The following GSTO2 variants were observed in gnomAD, a reference collection of about 807,000 sequenced individuals.
GSTO2 encodes glutathione S-transferase omega-2.
In GSTO2, 23 loss-of-function variants were observed where a neutral mutation model predicts 28.4. The observed-to-expected ratio is 0.81, with a 90% CI of 0.58 to 1.15. The LOEUF (loss-of-function observed/expected upper bound fraction) is 1.15. Among genes scored for constraint, GSTO2 ranks in the 50% most tolerant of loss-of-function variants. GSTO2 has a pLI of 0.00. For synonymous variants in GSTO2, 109 were observed against 111.0 expected, an observed-to-expected ratio of 0.98 and a Z score of 0.11; for missense variants, 298 against 297.8, an observed-to-expected ratio of 1.00 and a Z score of 0.00.
At chr10:104,279,212 A>G (rs2011855506) in intron 4 of GSTO2, among the ~76,000 whole-genome samples, 158 bp from the exon 5 acceptor site, 2 of 152,176 alleles carry the variant, frequency 1.3e-5, no homozygotes, top group Admixed American at 1.3e-4. Context: ...AACCGGAACC[A>G]CAGAGAAAAC....
chr10:104,294,681 G>A (rs1442726989), intron 5 of GSTO2, among the ~76,000 whole-genome samples: 1 of 152,166 alleles, frequency 6.6e-6, no homozygotes, highest in African/African-American at 2.4e-5. Flanking sequence ...TTTGCTGAGC[G>A]GGGGACTGGT....
Position 104,302,276 on chromosome 10 carries a change from A to G in GSTO2, c.*2992A>G, listed in dbSNP as rs150557810. ...AATTCAGATTAAAATTGAAGATGAGATTTTAGGTGGAGCACAGCCAAACCA... is the reference window on the plus strand; with the variant it reads ...AATTCAGATTAAAATTGAAGATGAGGTTTTAGGTGGAGCACAGCCAAACCA... On this transcript the variant is annotated 3_prime_UTR_variant, in exon 7 of 7. Coordinates refer to ENST00000338595, the MANE Select transcript of GSTO2 (RefSeq NM_183239.2). The G allele has an allele frequency of 5.3e-5, 8 of 152,348 alleles. No homozygotes were observed. The highest frequency in any genetic ancestry group is 1.9e-4 in the African/African-American group (8 of 41,576). The allele number at this position is 152,348 out of a possible 1,614,324, so 9.4% of individuals were successfully genotyped here.
chr10:104,277,582 G>C (rs980832745), intron 3 of GSTO2, among the ~76,000 whole-genome samples: 1 of 152,104 alleles, frequency 6.6e-6, no homozygotes, highest in African/African-American at 2.4e-5. Flanking sequence ...CACCGCGCCC[G>C]GCCAGCTCTA....
intron 1 of GSTO2, among the ~76,000 whole-genome samples, chr10:104,272,163 C>A (rs528111372): frequency 6.6e-6 from 1 of 152,080 alleles, no homozygotes; most frequent in Non-Finnish European, 1.5e-5. Flanking sequence ...TGTGCGGGGG[C>A]ACAGGGTATA....
chr10:104,276,403 C>T (rs1331980867), intron 3 of GSTO2, among the ~76,000 whole-genome samples: 1 of 152,184 alleles, frequency 6.6e-6, no homozygotes, highest in African/African-American at 2.4e-5. Flanking sequence ...GTTTCTCAAA[C>T]TTGGCACTGT....
At chr10:104,272,906 C>G (rs181879950) in intron 1 of GSTO2, among the ~76,000 whole-genome samples, 16 of 152,212 alleles carry the variant, frequency 1.1e-4, no homozygotes, top group African/African-American at 3.9e-4. Context: ...GCCACCGCAC[C>G]CGGCCCAGTT....
At chr10:104,287,861 G>A (rs2012532082) in intron 5 of GSTO2, among the ~76,000 whole-genome samples, 1 of 147,206 alleles carries the variant, frequency 6.8e-6, no homozygotes, top group Admixed American at 6.8e-5. Context: ...TATTAAATAT[G>A]TAAGTTTTAA....
chr10:104,291,031 G>A (rs1050171680), intron 5 of GSTO2, among the ~76,000 whole-genome samples: 7 of 152,080 alleles, frequency 4.6e-5, no homozygotes, highest in African/African-American at 1.4e-4. Flanking sequence ...ATGTGCCCAC[G>A]AAAAATAAAA....
rs1382626357 is a variant in GSTO2, at chr10:104,303,477, G to C, written c.*4193G>C. 1 of 152,202 alleles carries C rather than the reference G, an allele frequency of 6.6e-6. No individual in the cohort carries two copies. Among genetic ancestry groups the C allele is most frequent in the Non-Finnish European group, 1.5e-5 (1 of 68,030 alleles). The allele number at this position is 152,202 out of a possible 1,614,324, so 9.4% of individuals were successfully genotyped here. A position where few individuals can be genotyped will look rare whatever the true frequency, so the allele number is the denominator to read the frequency against. On this transcript the variant is annotated 3_prime_UTR_variant, in exon 7 of 7. Transcript: ENST00000338595. ...ATCTGGCAGAAAAAATTTCTAAGCA[G>C]CAAAGCATTCAAGATGCGCCCTGGC...
chr10:104,281,962 G>A (rs1457873476), intron 5 of GSTO2, among the ~76,000 whole-genome samples: 8 of 152,094 alleles, frequency 5.3e-5, no homozygotes. Flanking sequence ...GGGGTTGACA[G>A]CGAGGGAGTG....
chr10:104,281,679 T>A (rs1013364976), intron 5 of GSTO2, among the ~76,000 whole-genome samples: 1 of 152,176 alleles, frequency 6.6e-6, no homozygotes, highest in African/African-American at 2.4e-5. Context: ...ATGGTACTAG[T>A]CCTGTTTTGC....
Position 104,299,367 on chromosome 10 carries a change from GTCTC to G in GSTO2, c.*87_*90del, listed in dbSNP as rs139792812. ...CACGGCTTGTCTTGGGAACCAATCC[GTCTC>G]TCTTTCTTTTCTTTGAAGTTCCCAA... On this transcript the variant is annotated 3_prime_UTR_variant, in exon 7 of 7. Transcript: ENST00000338595. 10,345 of 1,448,314 alleles carry G rather than the reference GTCTC, an allele frequency of 7.1e-3. 647 individuals carry two copies. In the African/African-American group the frequency reaches 0.13, roughly 18 times the overall value. The allele number at this position is 1,448,314 out of a possible 1,614,324, so 89.7% of individuals were successfully genotyped here. A position where few individuals can be genotyped will look rare whatever the true frequency, so the allele number is the denominator to read the frequency against.
At chr10:104,292,879 C>A (rs373045850) in intron 5 of GSTO2, among the ~76,000 whole-genome samples, 1 of 152,306 alleles carries the variant, frequency 6.6e-6, no homozygotes. Context: ...TTTTTCATTC[C>A]ATTTCTGATG....
At position 104,303,187 on chromosome 10, in the gene GSTO2, T is replaced by G. The variant is rs899249586; in HGVS notation, c.*3903T>G. 1 of 152,192 alleles carries G rather than the reference T, an allele frequency of 6.6e-6. No homozygotes were observed. Among genetic ancestry groups the G allele is most frequent in the Non-Finnish European group, 1.5e-5 (1 of 68,038 alleles). The allele number at this position is 152,192 out of a possible 1,614,324, so 9.4% of individuals were successfully genotyped here. A position where few individuals can be genotyped will look rare whatever the true frequency, so the allele number is the denominator to read the frequency against. ...GTTCTCATGATTTAGCTCCCACTTA[T>G]AAGTGAGAACATGCAGTTTTTGTAA... On this transcript the variant is annotated 3_prime_UTR_variant, in exon 7 of 7. Transcript: ENST00000338595.
At chr10:104,290,006 T>C (rs1279417367) in intron 5 of GSTO2, among the ~76,000 whole-genome samples, 2 of 152,184 alleles carry the variant, frequency 1.3e-5, no homozygotes, top group Non-Finnish European at 2.9e-5. Context: ...GTATAACCAT[T>C]GTGGAGAACA....
In GSTO2 at chr10:104,300,454, C is replaced by CG. The variant is rs1340717416; in HGVS notation, c.*1170_*1171insG. ...TGGGAGCCCCCATCTCTCCACTTAT[C>CG]TTGGTTGAGGTTTTAAACCTAGCGC... is the stretch of plus-strand genomic sequence containing the variant. On this transcript the variant is annotated 3_prime_UTR_variant, in exon 7 of 7. Transcript: ENST00000338595. The CG allele has an allele frequency of 1.3e-5, 2 of 152,276 alleles. No homozygotes were observed. Among genetic ancestry groups the CG allele is most frequent in the Non-Finnish European group, 1.5e-5 (1 of 68,092 alleles). 9.4% of individuals were successfully genotyped at this position (152,276 alleles called of 1,614,324 possible).
chr10:104,271,930 T>G (rs912386979), intron 1 of GSTO2, among the ~76,000 whole-genome samples: 3 of 152,064 alleles, frequency 2.0e-5, no homozygotes, highest in African/African-American at 7.2e-5. Flanking sequence ...CAATTGTTGG[T>G]TTTTTTATAG....
chr10:104,275,001 T>C, intron 2 of GSTO2, 52 bp downstream of exon 2: 1 of 1,559,872 alleles, frequency 6.4e-7, no homozygotes, highest in Non-Finnish European at 8.6e-7. Flanking sequence ...TGACAGAAAA[T>C]GTTGGCTTCG....
chr10:104,297,616 C>T lies in GSTO2; in HGVS notation c.507C>T (p.Thr169=), dbSNP rs141488802. ...AGAACACCACCTTCTTTGGTGGAACCTGTATATCCATGATTGATTACCTCC... is the reference window on the plus strand; with the variant it reads ...AGAACACCACCTTCTTTGGTGGAACTTGTATATCCATGATTGATTACCTCC... The part of the protein sequence containing the change: ...EYQNTTFFGG[T]CISMIDYLLW... The change falls in exon 6 of 7, where the codon ACC becomes ACT. Residue 169 remains threonine, a synonymous_variant. Transcript: ENST00000338595. 2.8e-5 allele frequency: 45 copies of T among 1,613,578 alleles called. No homozygotes were observed. The African/African-American group carries it at 5.6e-4, about 20-fold the overall frequency.
Sources: allele counts gnomAD v4.1 joint callset (sites outside exome capture counted in the v4.1 genomes callset), GRCh38; gene constraint gnomAD v4.1.1; transcripts MANE v1.5; gene names NCBI Gene and HGNC (gene_info 2026-07-23, HGNC 2026-07-21).